The following COL19A1 variants were observed in gnomAD, a reference collection of about 807,000 sequenced individuals.
COL19A1 encodes collagen type XIX alpha 1 chain, also known as collagen alpha-1(XIX) chain.
In COL19A1, 159 loss-of-function variants were observed where a neutral mutation model predicts 190.2. The observed-to-expected ratio is 0.84, with a 90% CI of 0.73 to 0.95. The LOEUF is 0.95. Among genes scored for constraint, COL19A1 ranks in the 40% least tolerant of loss-of-function variants. The pLI is 0.00. For synonymous variants in COL19A1, 509 were observed against 458.9 expected (o/e 1.11, Z -1.39); for missense variants, 1,418 against 1,431.9 (o/e 0.99, Z 0.16).
At chr6:69,894,206 A>C (rs537266764) in intron 2 of COL19A1, among the ~76,000 whole-genome samples, 1 of 152,350 alleles carries the variant, frequency 6.6e-6, no homozygotes, top group Admixed American at 6.5e-5. Context: ...CAGTAGTTTC[A>C]ATTATGTGTT....
chr6:70,004,634 C>G (rs772315964), intron 11 of COL19A1, among the ~76,000 whole-genome samples: 1 of 152,162 alleles, frequency 6.6e-6, no homozygotes, highest in Non-Finnish European at 1.5e-5. Context: ...TCTTCAAACT[C>G]TGAAATCCTT....
At chr6:70,053,635 T>C (rs1237624454) in intron 14 of COL19A1, among the ~76,000 whole-genome samples, 1 of 152,208 alleles carries the variant, frequency 6.6e-6, no homozygotes, top group Non-Finnish European at 1.5e-5. Flanking sequence ...TATTTGTATA[T>C]AGACTTATTT....
At chr6:69,941,104 T>A (rs953484455) in intron 9 of COL19A1, among the ~76,000 whole-genome samples, 2 of 152,144 alleles carry the variant, frequency 1.3e-5, no homozygotes, top group African/African-American at 4.8e-5. Flanking sequence ...ACTAAGGGAA[T>A]CAGATGTTGT....
At chr6:69,900,959 G>A (rs561264684) in intron 4 of COL19A1, among the ~76,000 whole-genome samples, 36 of 152,096 alleles carry the variant, frequency 2.4e-4, no homozygotes, top group Admixed American at 1.1e-3. Flanking sequence ...GTGACAATTG[G>A]TCAGCAACCA....
Position 70,142,775 on chromosome 6 carries a change from A to G in COL19A1, c.1581A>G (p.Gln527=). The change falls in exon 23 of 51, where the codon CAA becomes CAG. Residue 527 remains glutamine (Q), a synonymous_variant. Transcript: ENST00000620364. Reference sequence around the variant, plus strand: ...ACCACCTTTTATTTTAGGGTCAGCAAGGATCTGCAGGCTCCATGGGACCCA... The same window carrying G: ...ACCACCTTTTATTTTAGGGTCAGCAGGGATCTGCAGGCTCCATGGGACCCA... ...LIGSPGLKGQ[Q]GSAGSMGPRG... is the part of the protein sequence containing the mutation. 1 of 1,612,230 alleles carries G rather than the reference A, an allele frequency of 6.2e-7. No individual in the cohort carries two copies. The highest frequency in any genetic ancestry group is 1.3e-5 in the African/African-American group (1 of 74,902).
intron 11 of COL19A1, among the ~76,000 whole-genome samples, chr6:70,007,712 T>C (rs1777718321): frequency 6.6e-6 from 1 of 152,010 alleles, no homozygotes; most frequent in Non-Finnish European, 1.5e-5. Context: ...TGAATAAGCC[T>C]ACAGTACACT....
Position 70,207,314 on chromosome 6 carries a change from T to C in COL19A1, c.*40T>C, listed in dbSNP as rs139348805. ...GACTTGGTTCCTGGTAACATTTCCT[T>C]GCCACTGGAGCTCTCTTAATACCGT... On this transcript the variant is annotated 3_prime_UTR_variant, in exon 51 of 51. Transcript: ENST00000620364. 8.8e-6 allele frequency: 14 copies of C among 1,589,722 alleles called. No homozygotes were observed. The Middle Eastern group carries it at 5.1e-4, about 58-fold the overall frequency.
chr6:69,965,962 C>A (rs1399674772), intron 11 of COL19A1, among the ~76,000 whole-genome samples: 1 of 152,118 alleles, frequency 6.6e-6, no homozygotes, highest in Non-Finnish European at 1.5e-5. Flanking sequence ...TCCTTAGATT[C>A]CTTCAGTACT....
chr6:70,192,477 TTA>T (rs1290027985), intron 48 of COL19A1, among the ~76,000 whole-genome samples: 2 of 130,638 alleles, frequency 1.5e-5, no homozygotes, highest in African/African-American at 5.5e-5. Context: ...CTTTCTTTCT[TTA>T]TTTCTCTCTC....
At chr6:70,105,305 G>A (rs1474793370) in intron 16 of COL19A1, among the ~76,000 whole-genome samples, 4 of 151,874 alleles carry the variant, frequency 2.6e-5, no homozygotes, top group African/African-American at 7.3e-5. Context: ...CTACAGCTGC[G>A]CACCACCACG....
intron 11 of COL19A1, among the ~76,000 whole-genome samples, chr6:69,985,224 C>T (rs899236487): frequency 8.5e-5 from 13 of 152,124 alleles, no homozygotes; most frequent in South Asian, 6.2e-4. Context: ...GTTTTGGAAT[C>T]TTTAACTGAA....
Position 70,074,826 on chromosome 6 carries a change from T to C in COL19A1, c.1224+6350T>C, listed in dbSNP as rs3793047. Among the ~76,000 whole-genome samples the C allele has an allele frequency of 2.7e-4, 41 of 152,310 alleles. 1 individual carries two copies. In the East Asian group the frequency reaches 6.0e-3, roughly 22 times the overall value. On this transcript the variant is annotated intron_variant, in intron 15 of 50. Transcript: ENST00000620364. ...AATGACCTTTAAAATGCACGATGAG[T>C]GTTTCATAATTCTGCTCTCACTAAA...
intron 18 of COL19A1, among the ~76,000 whole-genome samples, chr6:70,132,072 G>A (rs778394899): frequency 1.6e-4 from 24 of 152,104 alleles, no homozygotes; most frequent in Middle Eastern, 3.2e-3. Flanking sequence ...TTTAAAAAGC[G>A]TGATTAACAG....
At chr6:70,031,225 G>A (rs542838791) in intron 12 of COL19A1, among the ~76,000 whole-genome samples, 1 of 151,708 alleles carries the variant, frequency 6.6e-6, no homozygotes, top group South Asian at 2.1e-4. Flanking sequence ...AGATCATTGC[G>A]TGGCTGGATC....
intron 11 of COL19A1, among the ~76,000 whole-genome samples, chr6:69,978,123 TGAGAA>T (rs70987492): frequency 0.26 from 38,867 of 151,762 alleles, 6,046 homozygotes; most frequent in Non-Finnish European, 0.35. Context: ...TCCTGATTCC[TGAGAA>T]GAGGAGTAAG....
At position 69,962,814 on chromosome 6, in the gene COL19A1, C is replaced by T; in HGVS notation, c.982-12C>T. 6.3e-7 allele frequency: 1 copy of T among 1,590,252 alleles called. No homozygotes were observed. Among genetic ancestry groups the T allele is most frequent in the Non-Finnish European group, 8.6e-7 (1 of 1,164,384 alleles). On this transcript the variant is annotated splice_polypyrimidine_tract_variant and intron_variant, in intron 10 of 50. Transcript: ENST00000620364. The stretch of plus-strand genomic sequence containing the variant: ...TTTTTATTACTATACACATCATATT[C>T]CTCTTCTACAGGGAGAGCAAGGTTT...
chr6:70,147,025 C>G (rs899633611), intron 27 of COL19A1, 136 bp downstream of exon 27: 5 of 710,572 alleles, frequency 7.0e-6, no homozygotes, highest in Non-Finnish European at 1.1e-5. Flanking sequence ...GATGACTGAT[C>G]AGCATTGAGG....
At chr6:69,997,791 G>T (rs1365692040) in intron 11 of COL19A1, among the ~76,000 whole-genome samples, 1 of 152,132 alleles carries the variant, frequency 6.6e-6, no homozygotes, top group Non-Finnish European at 1.5e-5. Flanking sequence ...AATCCCAGGA[G>T]AAAGGAAGAG....
At chr6:69,921,149 TGTATCACGTATATATTCATATAC>T (rs1771732670) in intron 4 of COL19A1, among the ~76,000 whole-genome samples, 3 of 127,686 alleles carry the variant, frequency 2.3e-5, no homozygotes, top group Non-Finnish European at 4.7e-5. Flanking sequence ...ATATCACATA[TGTATCACGTATATATTCATATAC>T]GTATCACATA....
Sources: allele counts gnomAD v4.1 joint callset (sites outside exome capture counted in the v4.1 genomes callset), GRCh38; gene constraint gnomAD v4.1.1; transcripts MANE v1.5; gene names NCBI Gene and HGNC (gene_info 2026-07-23, HGNC 2026-07-21).